Variants in XNDC1N observed in about 807,000 individuals in gnomAD.
The protein encoded by XNDC1N is protein XNDC1N.
the XNDC1N span, among the ~76,000 whole-genome samples, chr11:71,877,846 C>T: frequency 1.3e-5 from 2 of 152,012 alleles, no homozygotes; most frequent in Non-Finnish European, 2.9e-5. Flanking sequence ...TCCCTAAGGC[C>T]CACTCTTCTT....
chr11:71,879,012 T>TA, the XNDC1N span, among the ~76,000 whole-genome samples: 70 of 150,278 alleles, frequency 4.7e-4, no homozygotes, highest in Non-Finnish European at 7.1e-4. Context: ...AAAATAATCA[T>TA]AAAAAAAAAT....
chr11:71,868,493 G>A, the XNDC1N span, among the ~76,000 whole-genome samples: 1 of 152,040 alleles, frequency 6.6e-6, no homozygotes, highest in Non-Finnish European at 1.5e-5. Context: ...AATTTCCTTA[G>A]CATTTGCTTG....
At chr11:71,909,392 A>G in the XNDC1N span, among the ~76,000 whole-genome samples, 3 of 152,054 alleles carry the variant, frequency 2.0e-5, no homozygotes, top group Admixed American at 2.0e-4. Context: ...CAGAGTTTGC[A>G]GCGTAACCAG....
At chr11:71,920,873 G>A in the XNDC1N span, among the ~76,000 whole-genome samples, 130 of 152,286 alleles carry the variant, frequency 8.5e-4, no homozygotes, top group Non-Finnish European at 1.3e-3. Context: ...GCCAAGGCAG[G>A]AGAATCGCTT....
chr11:71,908,427 ATAAT>A, the XNDC1N span, among the ~76,000 whole-genome samples: 6 of 152,138 alleles, frequency 3.9e-5, no homozygotes, highest in East Asian at 1.2e-3. Flanking sequence ...ATTAAAATTG[ATAAT>A]TATTAGCGCC....
At chr11:71,884,740 A>C in the XNDC1N span, 1 of 929,004 alleles carries the variant, frequency 1.1e-6, no homozygotes, top group Non-Finnish European at 1.6e-6. Context: ...GCATTTTAAC[A>C]TTTACTCCCT....
the XNDC1N span, among the ~76,000 whole-genome samples, chr11:71,871,716 T>C: frequency 3.3e-5 from 5 of 152,272 alleles, no homozygotes; most frequent in South Asian, 8.3e-4. Flanking sequence ...TGAGTACACA[T>C]TTCACCAAAG....
the XNDC1N span, among the ~76,000 whole-genome samples, chr11:71,912,788 G>C: frequency 2.0e-5 from 3 of 152,026 alleles, no homozygotes; most frequent in East Asian, 1.9e-4. Flanking sequence ...TCATATAATT[G>C]TCTCTCCCCT....
At chr11:71,878,036 G>A in the XNDC1N span, among the ~76,000 whole-genome samples, 2 of 152,162 alleles carry the variant, frequency 1.3e-5, no homozygotes, top group African/African-American at 2.4e-5. Flanking sequence ...GCTAACACAC[G>A]GTGCCAAAAT....
At chr11:71,896,194 G>A in the XNDC1N span, among the ~76,000 whole-genome samples, 1 of 152,318 alleles carries the variant, frequency 6.6e-6, no homozygotes, top group African/African-American at 2.4e-5. Flanking sequence ...CCCAAGAAGC[G>A]CTTGAACTCA....
the XNDC1N span, among the ~76,000 whole-genome samples, chr11:71,874,124 A>G: frequency 6.6e-6 from 1 of 152,146 alleles, no homozygotes; most frequent in African/African-American, 2.4e-5. Context: ...AGAACAGCCT[A>G]ACCAACATGG....
chr11:71,881,460 T>C, the XNDC1N span, among the ~76,000 whole-genome samples: 8 of 152,148 alleles, frequency 5.3e-5, no homozygotes, highest in South Asian at 2.1e-4. Flanking sequence ...CGTCAGCACA[T>C]TTGGTTTCTC....
chr11:71,909,438 C>T, the XNDC1N span, among the ~76,000 whole-genome samples: 3 of 152,194 alleles, frequency 2.0e-5, no homozygotes, highest in Admixed American at 1.3e-4. Context: ...AGTGGAAGAA[C>T]AAATGCCCTC....
chr11:71,914,560 G>C, the XNDC1N span: 1 of 351,780 alleles, frequency 2.8e-6, no homozygotes, highest in Non-Finnish European at 5.6e-6. Context: ...GGTGCTGCGT[G>C]TCTGTAATCC....
At chr11:71,928,193 T>C in the XNDC1N span, among the ~76,000 whole-genome samples, 1 of 152,224 alleles carries the variant, frequency 6.6e-6, no homozygotes, top group Non-Finnish European at 1.5e-5. Flanking sequence ...ACGCGGAATG[T>C]GGGTGCCCTG....
At chr11:71,873,877 A>G in the XNDC1N span, among the ~76,000 whole-genome samples, 1 of 152,238 alleles carries the variant, frequency 6.6e-6, no homozygotes, top group Non-Finnish European at 1.5e-5. Flanking sequence ...TGCATTTTAG[A>G]AACATATCTC....
the XNDC1N span, among the ~76,000 whole-genome samples, chr11:71,908,620 A>G: frequency 2.0e-5 from 3 of 151,986 alleles, no homozygotes; most frequent in Non-Finnish European, 4.4e-5. Flanking sequence ...CCAGCCCTTC[A>G]CCTGTGTCGA....
chr11:71,900,296 T>A, the XNDC1N span, among the ~76,000 whole-genome samples: 1 of 152,210 alleles, frequency 6.6e-6, no homozygotes, highest in Non-Finnish European at 1.5e-5. Context: ...CTCTATACTT[T>A]GTCTCTGTGT....
the XNDC1N span, among the ~76,000 whole-genome samples, chr11:71,919,295 T>A: frequency 5.2e-3 from 788 of 152,132 alleles, 4 homozygotes; most frequent in Non-Finnish European, 8.7e-3. Flanking sequence ...AGTTAACAGA[T>A]CAATACTGAA....
Sources: allele counts gnomAD v4.1 joint callset (sites outside exome capture counted in the v4.1 genomes callset), GRCh38; gene constraint gnomAD v4.1.1; transcripts MANE v1.5; gene names NCBI Gene and HGNC (gene_info 2026-07-23, HGNC 2026-07-21).